Variants in NCALD observed in about 807,000 individuals in gnomAD.
NCALD encodes the protein neurocalcin delta, also known as neurocalcin-delta.
NCALD carries 10 observed loss-of-function variants against 18.6 expected under a neutral mutation model. The ratio of observed to expected loss-of-function variants is 0.54; its 90% CI spans 0.33 to 0.91. NCALD has a LOEUF of 0.91. Among genes scored for constraint, NCALD ranks in the 40% least tolerant of loss-of-function variants. The pLI is 0.03. For missense variants in NCALD, 184 were observed against 247.6 expected (o/e 0.74, Z 1.72); for synonymous variants, 88 against 87.4 (o/e 1.01, Z -0.04).
rs1037763418 is a variant in NCALD, at chr8:102,031,889, C to T, written c.-209-11600G>A. On this transcript the variant is annotated intron_variant, in intron 1 of 6. Coordinates refer to the NCALD transcript ENST00000311028. ...GAGGTGTAGTTCATTTCCCCATGTA[C>T]AAAAGGGGATTGTGTACAAGCCTAG... is the stretch of plus-strand genomic sequence containing the variant. Among the ~76,000 whole-genome samples, 3 of 152,082 alleles carry T rather than the reference C, an allele frequency of 2.0e-5. No individual in the cohort carries two copies. The East Asian group carries it at 5.8e-4, about 29-fold the overall frequency.
chr8:101,922,117 A>G (rs1381118194), intron 2 of NCALD, among the ~76,000 whole-genome samples: 1 of 151,844 alleles, frequency 6.6e-6, no homozygotes, highest in African/African-American at 2.4e-5. Flanking sequence ...ATGATTTAAA[A>G]TATAATTAAC....
At chr8:102,094,387 C>T (rs998363485) in intron 1 of NCALD, among the ~76,000 whole-genome samples, 2 of 152,166 alleles carry the variant, frequency 1.3e-5, no homozygotes, top group African/African-American at 4.8e-5. Flanking sequence ...ATACTGTACT[C>T]ATTTTATAAA....
chr8:102,050,461 T>C (rs1297362798), intron 1 of NCALD, among the ~76,000 whole-genome samples: 4 of 150,882 alleles, frequency 2.7e-5, no homozygotes, highest in African/African-American at 9.7e-5. Context: ...TATGCAAGGT[T>C]GTTATTTACT....
chr8:101,937,504 C>CA (rs1818807776), intron 2 of NCALD, among the ~76,000 whole-genome samples: 3 of 152,112 alleles, frequency 2.0e-5, no homozygotes, highest in Admixed American at 6.5e-5. Flanking sequence ...CATGTTCCTG[C>CA]AAAAAACATG....
At chr8:101,869,711 G>A (rs531624) in intron 4 of NCALD, among the ~76,000 whole-genome samples, 39,631 of 152,030 alleles carry the variant, frequency 0.26, 5,562 homozygotes, top group East Asian at 0.36. Flanking sequence ...TGTTTTAATA[G>A]AAGACTTAAA....
intron 3 of NCALD, among the ~76,000 whole-genome samples, chr8:101,898,343 A>G (rs927625599): frequency 6.6e-6 from 1 of 152,174 alleles, no homozygotes; most frequent in Non-Finnish European, 1.5e-5. Flanking sequence ...ATCATTTACA[A>G]TAAGATATCT....
chr8:102,093,290 G>T (rs898812514), intron 1 of NCALD, among the ~76,000 whole-genome samples: 1 of 152,118 alleles, frequency 6.6e-6, no homozygotes, highest in Admixed American at 6.5e-5. Context: ...ACTGTTTTGG[G>T]GTCTGAATAA....
intron 4 of NCALD, among the ~76,000 whole-genome samples, chr8:101,829,161 T>C (rs1453019892): frequency 1.3e-5 from 2 of 151,758 alleles, no homozygotes; most frequent in Non-Finnish European, 2.9e-5. Context: ...ACAGTGCTAG[T>C]ATTTTTTTCA....
intron 2 of NCALD, among the ~76,000 whole-genome samples, chr8:101,922,154 G>GAA (rs57292977): frequency 2.2e-5 from 3 of 138,172 alleles, no homozygotes; most frequent in Admixed American, 7.2e-5. Flanking sequence ...AGATTTTACT[G>GAA]AAAAAAAAAA....
At chr8:102,034,245 A>C (rs759109150) in intron 1 of NCALD, among the ~76,000 whole-genome samples, 41 of 152,182 alleles carry the variant, frequency 2.7e-4, no homozygotes, top group Non-Finnish European at 5.7e-4. Flanking sequence ...TTACATGATA[A>C]ATGAGATTTT....
intron 1 of NCALD, among the ~76,000 whole-genome samples, chr8:102,040,684 T>C (rs1387492149): frequency 7.5e-6 from 1 of 133,508 alleles, no homozygotes; most frequent in Non-Finnish European, 1.6e-5. Context: ...TGAGCAGAAC[T>C]ATGGTTGCTT....
At chr8:102,070,979 C>G (rs766094832) in intron 1 of NCALD, among the ~76,000 whole-genome samples, 44 of 152,250 alleles carry the variant, frequency 2.9e-4, no homozygotes, top group Non-Finnish European at 3.8e-4. Context: ...CCAGGCTTCA[C>G]TCCAGCAATA....
intron 4 of NCALD, among the ~76,000 whole-genome samples, chr8:101,830,613 C>G (rs1814139500): frequency 6.6e-6 from 1 of 152,010 alleles, no homozygotes; most frequent in Admixed American, 6.5e-5. Context: ...TCATTGTTCT[C>G]AATCTCACAT....
chr8:101,901,501 T>C (rs1308395776), intron 3 of NCALD, among the ~76,000 whole-genome samples: 1 of 152,080 alleles, frequency 6.6e-6, no homozygotes, highest in African/African-American at 2.4e-5. Context: ...TATTTATCTA[T>C]AGTGTTTTTA....
intron 1 of NCALD, among the ~76,000 whole-genome samples, chr8:101,776,072 T>A (rs16868417): frequency 6.6e-6 from 1 of 152,188 alleles, no homozygotes; most frequent in Non-Finnish European, 1.5e-5. Context: ...GGGAACAGCA[T>A]GAACCCCAGA....
chr8:101,824,425 T>A (rs1442369475), intron 4 of NCALD, among the ~76,000 whole-genome samples: 1 of 152,128 alleles, frequency 6.6e-6, no homozygotes, highest in Admixed American at 6.5e-5. Flanking sequence ...CTTCCCTTAA[T>A]AACAACTGTA....
chr8:101,765,821 T>C (rs1811324581), intron 1 of NCALD, among the ~76,000 whole-genome samples: 1 of 152,228 alleles, frequency 6.6e-6, no homozygotes. Context: ...AGAGGTCATT[T>C]CAAACAATAG....
intron 2 of NCALD, among the ~76,000 whole-genome samples, chr8:102,005,113 AT>A (rs1164615142): frequency 6.6e-6 from 1 of 152,134 alleles, no homozygotes; most frequent in Non-Finnish European, 1.5e-5. Context: ...ATGGGAGAAA[AT>A]TTTTGCAATC....
At chr8:101,859,203 T>C (rs112676672) in intron 4 of NCALD, among the ~76,000 whole-genome samples, 364 of 152,262 alleles carry the variant, frequency 2.4e-3, no homozygotes, top group Non-Finnish European at 4.2e-3. Context: ...GCCAGATGCT[T>C]CCTGCCCTCG....
Sources: gnomAD v4.1 joint callset for allele counts (sites outside exome capture counted in the v4.1 genomes callset) on GRCh38, gnomAD v4.1.1 for gene constraint, MANE v1.5 for transcripts, NCBI Gene and HGNC (gene_info 2026-07-23, HGNC 2026-07-21) for gene names.